The following PRKN variants were observed in gnomAD, a reference collection of about 807,000 sequenced individuals.
The protein encoded by PRKN is parkin RBR E3 ubiquitin protein ligase.
A neutral mutation model predicts 59.5 loss-of-function variants in PRKN; 56 were observed. That is an observed-to-expected ratio of 0.94 (90% CI 0.76 to 1.18). PRKN has a LOEUF of 1.18. Ranked by LOEUF, PRKN falls within the 50% of genes most tolerant of loss-of-function variation. The probability of loss-of-function intolerance (pLI) is 0.00; values close to 1 mark genes in which losing one functional copy is unlikely to be tolerated. For missense variants in PRKN, 657 were observed against 596.4 expected, an observed-to-expected ratio of 1.10 and a Z score of -1.06; for synonymous variants, 250 against 222.1, an observed-to-expected ratio of 1.13 and a Z score of -1.12.
chr6:161,348,142 G>A lies in PRKN; in HGVS notation c.*1957C>T, dbSNP rs144460207. 33 of 196,694 alleles carry A rather than the reference G, an allele frequency of 1.7e-4. No individual in the cohort carries two copies. The highest frequency in any genetic ancestry group is 7.0e-4 in the African/African-American group (30 of 43,160). 12.2% of individuals were successfully genotyped at this position (196,694 alleles called of 1,614,324 possible). A position where few individuals can be genotyped will look rare whatever the true frequency, so the allele number is the denominator to read the frequency against. On this transcript the variant is annotated 3_prime_UTR_variant, in exon 12 of 12. Coordinates refer to ENST00000366898, the MANE Select transcript of PRKN (RefSeq NM_004562.3). The surrounding 1 kb of genome is among the most constrained non-coding windows in gnomAD (Gnocchi z 4.9). ...CATCAGGAAGAAAGCTATGGATGAT[G>A]GAAAACACTGTGTGCTCCACGTGAC... is the stretch of plus-strand genomic sequence containing the variant.
Position 162,041,742 on chromosome 6 carries a change from A to G in PRKN, c.618+12349T>C, listed in dbSNP as rs1426817415. The stretch of plus-strand genomic sequence containing the variant: ...GGAACCACAATTTAAACAGTGCATG[A>G]TAACCAGTATTAATGGATTATAGCC... On this transcript the variant is annotated intron_variant, in intron 5 of 11. Transcript: ENST00000366898. Among the ~76,000 whole-genome samples the G allele has an allele frequency of 8.5e-5, 13 of 152,212 alleles. 1 individual carries two copies. Among genetic ancestry groups the G allele is most frequent in the Non-Finnish European group, 2.9e-5 (2 of 68,026 alleles).
At position 161,719,959 on chromosome 6, in the gene PRKN, C is replaced by T. The variant is rs139189318; in HGVS notation, c.871+65813G>A. Among the ~76,000 whole-genome samples, 319 of 152,284 alleles carry T rather than the reference C, an allele frequency of 2.1e-3. 6 individuals are homozygous for T. The South Asian group carries it at 0.044, about 21-fold the overall frequency. On this transcript the variant is annotated intron_variant, in intron 7 of 11. Coordinates refer to ENST00000366898, the MANE Select transcript of PRKN (RefSeq NM_004562.3). ...CTGTTCTAACCCACTTCACTGAGTC[C>T]GTGGCTCTGCAGTCTTTCTCGTGTA...
chr6:161,410,982 G>A lies in PRKN; in HGVS notation c.1084-24105C>T, dbSNP rs1787512966. The stretch of plus-strand genomic sequence containing the variant: ...ACCGGTTTCCTCAGGTGGAAGGAAG[G>A]CAGTTGACTCATCCTGCTTCCCTGT... On this transcript the variant is annotated intron_variant, in intron 9 of 11. Coordinates refer to ENST00000366898, the MANE Select transcript of PRKN (RefSeq NM_004562.3). This position sits in a 1 kb window ranked among gnomAD's most constrained non-coding sequence, Gnocchi z 5.3. 6.6e-6 allele frequency among the ~76,000 whole-genome samples: 1 copy of A among 152,152 alleles called. No homozygotes were observed. Among genetic ancestry groups the A allele is most frequent in the Non-Finnish European group, 1.5e-5 (1 of 68,024 alleles).
intron 1 of PRKN, among the ~76,000 whole-genome samples, chr6:162,528,792 T>C (rs1356677558): frequency 7.0e-6 from 1 of 143,760 alleles, no homozygotes; most frequent in Non-Finnish European, 1.6e-5. Flanking sequence ...AGTGAGATCC[T>C]GTCTCTAATT....
chr6:162,699,769 C>T (rs1278575128), intron 1 of PRKN, among the ~76,000 whole-genome samples: 1 of 152,056 alleles, frequency 6.6e-6, no homozygotes, highest in Non-Finnish European at 1.5e-5. Flanking sequence ...CTTCCTCTCC[C>T]GGTCTCTCAA....
intron 2 of PRKN, among the ~76,000 whole-genome samples, chr6:162,338,298 T>C (rs1783942849): frequency 1.3e-5 from 2 of 152,078 alleles, no homozygotes; most frequent in Non-Finnish European, 2.9e-5. Flanking sequence ...TTCCACGGTC[T>C]CCCTCTCATG....
chr6:162,718,822 T>C (rs1343183473), intron 1 of PRKN, among the ~76,000 whole-genome samples: 2 of 152,170 alleles, frequency 1.3e-5, no homozygotes, highest in Admixed American at 6.5e-5. Flanking sequence ...GCACAGAGAC[T>C]TGGTATAAAA....
At chr6:161,758,530 A>T (rs1439691715) in intron 7 of PRKN, among the ~76,000 whole-genome samples, 1 of 152,216 alleles carries the variant, frequency 6.6e-6, no homozygotes, top group African/African-American at 2.4e-5. Context: ...GTAAACAAAT[A>T]AATAATTGCT....
intron 2 of PRKN, among the ~76,000 whole-genome samples, chr6:162,404,781 A>G (rs1055418899): frequency 2.6e-5 from 4 of 152,088 alleles, no homozygotes; most frequent in African/African-American, 9.7e-5. Flanking sequence ...CGAACTCCTG[A>G]CCTCAGGTGA....
intron 1 of PRKN, among the ~76,000 whole-genome samples, chr6:162,513,232 A>G (rs1474665853): frequency 6.6e-6 from 1 of 152,200 alleles, no homozygotes; most frequent in Non-Finnish European, 1.5e-5. Flanking sequence ...TAAGCCCAGC[A>G]CTTTGGGAGG....
chr6:162,101,170 C>G (rs1779955050), intron 4 of PRKN, among the ~76,000 whole-genome samples: 1 of 152,010 alleles, frequency 6.6e-6, no homozygotes, highest in Admixed American at 6.6e-5. Flanking sequence ...TACCACGCAG[C>G]TTTTCCTCTG....
At chr6:161,681,566 T>C (rs1785365042) in intron 7 of PRKN, among the ~76,000 whole-genome samples, 2 of 152,156 alleles carry the variant, frequency 1.3e-5, no homozygotes, top group Non-Finnish European at 2.9e-5. Context: ...ACAATGCTCA[T>C]TTCTGTATTT....
At chr6:162,645,219 T>A (rs1232744934) in intron 1 of PRKN, among the ~76,000 whole-genome samples, 1 of 152,166 alleles carries the variant, frequency 6.6e-6, no homozygotes, top group Non-Finnish European at 1.5e-5. Context: ...GCTATCTTCC[T>A]AACATGATTC....
At chr6:162,585,248 G>GT (rs1237630101) in intron 1 of PRKN, among the ~76,000 whole-genome samples, 6 of 151,794 alleles carry the variant, frequency 4.0e-5, no homozygotes, top group African/African-American at 1.5e-4. Context: ...CATTTTTATC[G>GT]TAAGTACTTT....
intron 2 of PRKN, among the ~76,000 whole-genome samples, chr6:162,407,019 T>G (rs1788106251): frequency 6.6e-6 from 1 of 152,136 alleles, no homozygotes; most frequent in South Asian, 2.1e-4. Flanking sequence ...GATAATTTTG[T>G]GCGGACAGTT....
intron 6 of PRKN, among the ~76,000 whole-genome samples, chr6:161,815,952 A>G (rs1482036101): frequency 6.6e-6 from 1 of 152,228 alleles, no homozygotes; most frequent in Non-Finnish European, 1.5e-5. Context: ...AATTTCTTAA[A>G]AAGGTGAACA....
chr6:162,216,499 C>T (rs1383211922), intron 3 of PRKN, among the ~76,000 whole-genome samples: 1 of 137,782 alleles, frequency 7.3e-6, no homozygotes, highest in Non-Finnish European at 1.5e-5. Flanking sequence ...CACTGCAGTC[C>T]GCAGTCCGGC....
intron 6 of PRKN, among the ~76,000 whole-genome samples, chr6:161,818,380 G>A (rs1791878093): frequency 6.6e-6 from 1 of 151,482 alleles, no homozygotes; most frequent in East Asian, 1.9e-4. Flanking sequence ...TGTCACCCAG[G>A]CTGGAGTGCA....
intron 7 of PRKN, among the ~76,000 whole-genome samples, chr6:161,755,346 T>C (rs1490771055): frequency 6.6e-6 from 1 of 152,064 alleles, no homozygotes; most frequent in Non-Finnish European, 1.5e-5. Context: ...ATAACTCTGC[T>C]TGGTGACCTC....
Sources: gnomAD v4.1 joint callset for allele counts (sites outside exome capture counted in the v4.1 genomes callset) on GRCh38, gnomAD v4.1.1 for gene constraint, Gnocchi (gnomAD v3.1) non-coding constraint, MANE v1.5 for transcripts, NCBI Gene and HGNC (gene_info 2026-07-23, HGNC 2026-07-21) for gene names.